The following ZNF234 variants were observed in gnomAD, a reference collection of about 807,000 sequenced individuals.
ZNF234 encodes the protein zinc finger protein 234, also known as C2-H2 type zinc finger protein.
A neutral mutation model predicts 10.3 loss-of-function variants in ZNF234; 4 were observed. That is an observed-to-expected ratio of 0.39 (90% confidence interval 0.19 to 0.89). ZNF234 has a LOEUF of 0.89. Ranked by LOEUF, ZNF234 falls within the 40% of genes least tolerant of loss-of-function variation. ZNF234 has a pLI of 0.38. For missense variants in ZNF234, 711 were observed against 836.1 expected, an observed-to-expected ratio of 0.85 and a Z score of 1.85; for synonymous variants, 258 against 280.1, an observed-to-expected ratio of 0.92 and a Z score of 0.79.
chr19:44,151,411 C>G (rs181744371), intron 5 of ZNF234, among the ~76,000 whole-genome samples: 42 of 152,224 alleles, frequency 2.8e-4, no homozygotes, highest in Non-Finnish European at 4.9e-4. Context: ...CCATGTTGGC[C>G]AGGCTGGTCT....
In ZNF234 at chr19:44,159,079, C is replaced by T. The variant is rs1165818971; in HGVS notation, c.*960C>T. The T allele has an allele frequency of 6.6e-6, 1 of 152,236 alleles. No individual in the cohort carries two copies. The highest frequency in any genetic ancestry group is 2.4e-5 in the African/African-American group (1 of 41,462). 9.4% of individuals were successfully genotyped at this position (152,236 alleles called of 1,614,324 possible). Reference sequence around the variant, plus strand: ...TATGATATTACTCTTTTACAGTTGACACCTGTCCTCTCTGTAGTCTCTTCT... The same window carrying T: ...TATGATATTACTCTTTTACAGTTGATACCTGTCCTCTCTGTAGTCTCTTCT... On this transcript the variant is annotated 3_prime_UTR_variant, in exon 6 of 6. Transcript: ENST00000426739.
Position 44,156,509 on chromosome 19 carries a change from C to T in ZNF234, c.493C>T (p.Leu165Phe), listed in dbSNP as rs2122150992. The change falls in exon 6 of 6, where the codon CTT becomes TTT. Residue 165 changes from leucine to phenylalanine, a missense_variant. Physicochemically the swap from Leu to Phe is conservative, Grantham distance 22. Coordinates refer to ENST00000426739, the MANE Select transcript of ZNF234 (RefSeq NM_006630.3). ...KSFTDVFNFD[L>F]HQQLHSGEKS... ...CTTCACTGATGTCTTCAACTTTGATCTTCATCAACAGTTACACTCAGGAGA... is the reference window on the plus strand; with the variant it reads ...CTTCACTGATGTCTTCAACTTTGATTTTCATCAACAGTTACACTCAGGAGA... 2 of 1,614,208 alleles carry T rather than the reference C, an allele frequency of 1.2e-6. No individual in the cohort carries two copies. Among genetic ancestry groups the T allele is most frequent in the Non-Finnish European group, 8.5e-7 (1 of 1,180,028 alleles).
At position 44,157,499 on chromosome 19, in the gene ZNF234, C is replaced by T. The variant is rs765730526; in HGVS notation, c.1483C>T (p.Arg495Cys). 1.3e-5 allele frequency: 21 copies of T among 1,613,638 alleles called. No individual in the cohort carries two copies. Among genetic ancestry groups the T allele is most frequent in the East Asian group, 4.5e-5 (2 of 44,858 alleles). The part of the protein sequence containing the change: ...KCEECGKGFS[R>C]RADLKIHCRI... ...TGAAGAGTGCGGAAAGGGATTTAGT[C>T]GTAGAGCAGATCTTAAAATTCATTG... is the stretch of plus-strand genomic sequence containing the variant. Residue 495 changes from arginine (R) to cysteine (C), a missense_variant, in exon 6 of 6, where the codon CGT becomes TGT. By Grantham distance (180) the Arg-to-Cys change is radical. Transcript: ENST00000426739.
At position 44,144,663 on chromosome 19, in the gene ZNF234, C is replaced by A; in HGVS notation, c.15+16C>A. The A allele has an allele frequency of 1.3e-6, 2 of 1,538,756 alleles. No homozygotes were observed. The highest frequency in any genetic ancestry group is 1.8e-5 in the Admixed American group (1 of 54,250). On this transcript the variant is annotated intron_variant, in intron 3 of 5. Transcript: ENST00000426739. ...CACATTCAAGGTGAATAAGGCTTGC[C>A]ACTCTTGCTGTTAAAATTCCATCTC...
At position 44,156,826 on chromosome 19, in the gene ZNF234, A is replaced by G. The variant is rs1568553926; in HGVS notation, c.810A>G (p.Ile270Met). ...GTGAGGAATGTGGAAGGGCCTTCAT[A>G]CATGCTTCCCATCTTCAGGAACATC... ...YNCEECGRAFIHASHLQEHQR... is the reference protein window; with the variant it reads ...YNCEECGRAFMHASHLQEHQR... Residue 270 changes from isoleucine to methionine, a missense_variant, in exon 6 of 6, where the codon ATA (isoleucine) becomes ATG (methionine). Coordinates refer to ENST00000426739, the MANE Select transcript of ZNF234 (RefSeq NM_006630.3). 1 of 1,609,532 alleles carries G rather than the reference A, an allele frequency of 6.2e-7. No homozygotes were observed. The highest frequency in any genetic ancestry group is 1.1e-5 in the South Asian group (1 of 90,736).
chr19:44,147,885 G>T (rs1382923695), intron 3 of ZNF234, among the ~76,000 whole-genome samples: 1 of 151,940 alleles, frequency 6.6e-6, no homozygotes, highest in Non-Finnish European at 1.5e-5. Context: ...AAGAAAGTAA[G>T]ATCTACATGA....
intron 5 of ZNF234, among the ~76,000 whole-genome samples, chr19:44,154,343 C>G (rs1452541730): frequency 1.3e-5 from 2 of 151,370 alleles, no homozygotes; most frequent in Admixed American, 1.3e-4. Context: ...AAATTACTGT[C>G]AGCTTTTAGA....
Position 44,158,317 on chromosome 19 carries a change from G to A in ZNF234, c.*198G>A. The A allele has an allele frequency of 1.6e-6, 1 of 611,964 alleles. No individual in the cohort carries two copies. Among genetic ancestry groups the A allele is most frequent in the Non-Finnish European group, 2.9e-6 (1 of 345,652 alleles). The allele number at this position is 611,964 out of a possible 1,614,324, so 37.9% of individuals were successfully genotyped here. ...TCTGTTGCCCATGCTGGATGCAGTG[G>A]TGCTATCTCAGCTCACTGTAACCTC... On this transcript the variant is annotated 3_prime_UTR_variant, in exon 6 of 6. Transcript: ENST00000426739.
chr19:44,148,683 T>C, intron 3 of ZNF234, 88 bp from the exon 4 acceptor site: 1 of 1,572,874 alleles, frequency 6.4e-7, no homozygotes, highest in Non-Finnish European at 8.7e-7. Context: ...CTGGACCAGC[T>C]CCCCCTACAT....
At chr19:44,143,621 A>AG (rs1968522369) in intron 2 of ZNF234, among the ~76,000 whole-genome samples, 1 of 150,876 alleles carries the variant, frequency 6.6e-6, no homozygotes, top group Non-Finnish European at 1.5e-5. Context: ...AAAAAGAAAA[A>AG]AAAAAAAAAA....
Position 44,143,459 on chromosome 19 carries a change from A to G in ZNF234, c.-77+1092A>G, listed in dbSNP as rs182519959. Among the ~76,000 whole-genome samples, 615 of 152,150 alleles carry G rather than the reference A, an allele frequency of 4.0e-3. 2 individuals are homozygous for G. Among genetic ancestry groups the G allele is most frequent in the African/African-American group, 0.014 (596 of 41,526 alleles). On this transcript the variant is annotated intron_variant, in intron 2 of 5. Transcript: ENST00000426739. ...CCCGTCTCTACTAAAAATACAAAAA[A>G]TTAGCCGGGCGTGTTGGCGGGCACC...
chr19:44,144,716 T>C, intron 3 of ZNF234, 69 bp downstream of exon 3: 1 of 1,432,926 alleles, frequency 7.0e-7, no homozygotes, highest in African/African-American at 1.4e-5. Flanking sequence ...TGAGGAAGAC[T>C]CAAGAACAAC....
chr19:44,157,503 G>C lies in ZNF234; in HGVS notation c.1487G>C (p.Arg496Thr). The change falls in exon 6 of 6, where the codon AGA (arginine) becomes ACA (threonine). Residue 496 changes from arginine to threonine, a missense_variant. By Grantham distance (71) the Arg-to-Thr change is moderately conservative. Transcript: ENST00000426739. ...CEECGKGFSRRADLKIHCRIH... is the reference protein window; with the variant it reads ...CEECGKGFSRTADLKIHCRIH... ...GAGTGCGGAAAGGGATTTAGTCGTA[G>C]AGCAGATCTTAAAATTCATTGTAGG... 6.2e-7 allele frequency: 1 copy of C among 1,613,976 alleles called. No individual in the cohort carries two copies. The highest frequency in any genetic ancestry group is 8.5e-7 in the Non-Finnish European group (1 of 1,179,984).
At chr19:44,151,311 T>C (rs1302762523) in intron 5 of ZNF234, among the ~76,000 whole-genome samples, 46 of 152,098 alleles carry the variant, frequency 3.0e-4, no homozygotes, top group Admixed American at 3.0e-3. Flanking sequence ...CAAGCGATTC[T>C]TCTGCCTCAG....
At chr19:44,149,919 A>G (rs896995749) in intron 4 of ZNF234, 1 of 152,330 alleles carries the variant, frequency 6.6e-6, no homozygotes, top group Non-Finnish European at 1.5e-5. Flanking sequence ...CGCTGACTAT[A>G]CAGAGGACAA....
intron 4 of ZNF234, among the ~76,000 whole-genome samples, chr19:44,149,363 G>A (rs1027498164): frequency 4.1e-4 from 62 of 152,042 alleles, no homozygotes; most frequent in African/African-American, 1.4e-3. Context: ...CATGAGAATC[G>A]CTTGAATCCA....
intron 2 of ZNF234, among the ~76,000 whole-genome samples, 178 bp downstream of exon 2, chr19:44,142,545 T>G (rs1485646536): frequency 6.6e-6 from 1 of 152,166 alleles, no homozygotes; most frequent in East Asian, 1.9e-4. Flanking sequence ...GTCATCCAAG[T>G]AGTAAGAGGT....
At chr19:44,147,027 G>A (rs1968615171) in intron 3 of ZNF234, among the ~76,000 whole-genome samples, 2 of 151,688 alleles carry the variant, frequency 1.3e-5, no homozygotes, top group South Asian at 4.2e-4. Context: ...TATTGGCCAG[G>A]CTGGTCTTGA....
chr19:44,150,323 G>T, intron 4 of ZNF234, 90 bp from the exon 5 acceptor site: 1 of 838,942 alleles, frequency 1.2e-6, no homozygotes, highest in Non-Finnish European at 1.7e-6. Context: ...TTGATTGATT[G>T]ATCAGTATAC....
Sources: allele counts gnomAD v4.1 joint callset (sites outside exome capture counted in the v4.1 genomes callset), GRCh38; gene constraint gnomAD v4.1.1; transcripts MANE v1.5; gene names NCBI Gene and HGNC (gene_info 2026-07-23, HGNC 2026-07-21).